The following MECOM variants were observed in gnomAD, a reference collection of about 807,000 sequenced individuals.
MECOM encodes histone-lysine N-methyltransferase MECOM.
MECOM carries 13 observed loss-of-function variants against 116.3 expected under a neutral mutation model. That is an observed-to-expected ratio of 0.11 (90% confidence interval 0.07 to 0.18). MECOM has a LOEUF of 0.18. Ranked by LOEUF, MECOM falls within the 10% of genes least tolerant of loss-of-function variation. The pLI is 1.00. For synonymous variants in MECOM, 528 were observed against 535.2 expected (o/e 0.99, Z 0.19); for missense variants, 1,299 against 1,509.0 (o/e 0.86, Z 2.31).
chr3:169,309,842 C>T (rs1718411598), intron 2 of MECOM, among the ~76,000 whole-genome samples: 1 of 152,194 alleles, frequency 6.6e-6, no homozygotes, highest in Non-Finnish European at 1.5e-5. Context: ...AGTTTCCTCA[C>T]CTGTAAAGCG....
chr3:169,535,052 G>A (rs973177234), intron 1 of MECOM, among the ~76,000 whole-genome samples: 3 of 152,194 alleles, frequency 2.0e-5, no homozygotes, highest in African/African-American at 7.2e-5. Context: ...CTCTCCAGGA[G>A]CTGGAGAAGC....
At chr3:169,163,476 A>T (rs1213499152) in intron 2 of MECOM, among the ~76,000 whole-genome samples, 1 of 152,188 alleles carries the variant, frequency 6.6e-6, no homozygotes, top group Non-Finnish European at 1.5e-5. Flanking sequence ...TAATTATAAT[A>T]CAATCTTTAT....
At chr3:169,321,882 T>G (rs1224863009) in intron 2 of MECOM, among the ~76,000 whole-genome samples, 1 of 152,162 alleles carries the variant, frequency 6.6e-6, no homozygotes, top group Admixed American at 6.5e-5. Flanking sequence ...CTGTCCTAAT[T>G]AAATATCAAA....
At chr3:169,567,634 A>T (rs1763388261) in intron 1 of MECOM, among the ~76,000 whole-genome samples, 1 of 152,216 alleles carries the variant, frequency 6.6e-6, no homozygotes, top group South Asian at 2.1e-4. Flanking sequence ...AAATCAAGCC[A>T]GATGATGATG....
chr3:169,659,440 A>ATTTTTTTTTTTTTTTTT lies in MECOM; in HGVS notation c.37+3879_37+3895dup, dbSNP rs56270349. 1.6e-4 allele frequency among the ~76,000 whole-genome samples: 10 copies of ATTTTTTTTTTTTTTTTT among 62,144 alleles called. 1 individual carries two copies. The South Asian group carries it at 2.0e-3, about 13-fold the overall frequency. 40.8% of individuals were successfully genotyped at this position (62,144 alleles called of 152,430 possible). A position where few individuals can be genotyped will look rare whatever the true frequency, so the allele number is the denominator to read the frequency against. On this transcript the variant is annotated intron_variant, in intron 1 of 16. Transcript: ENST00000651503. ...GTAATTAACCTTCCCCTAAACACAG[A>ATTTTTTTTTTTTTTTTT]TTTTTTTTTTTTTTTTTTTTTTTTT...
At chr3:169,393,948 T>C (rs752318906) in intron 1 of MECOM, among the ~76,000 whole-genome samples, 1 of 152,176 alleles carries the variant, frequency 6.6e-6, no homozygotes, top group Admixed American at 6.6e-5. Context: ...TGTAAATCTA[T>C]ACGAACCATG....
At chr3:169,543,134 G>A (rs1002179824) in intron 1 of MECOM, among the ~76,000 whole-genome samples, 1 of 152,216 alleles carries the variant, frequency 6.6e-6, no homozygotes, top group Non-Finnish European at 1.5e-5. Context: ...CAAGTAGAGA[G>A]AGGAAATATC....
intron 2 of MECOM, among the ~76,000 whole-genome samples, chr3:169,220,195 T>A (rs1244973256): frequency 6.6e-6 from 1 of 151,932 alleles, no homozygotes; most frequent in East Asian, 1.9e-4. Flanking sequence ...CCAGGCATGG[T>A]GGTGCACACT....
chr3:169,411,909 T>G (rs1737616519), intron 1 of MECOM, among the ~76,000 whole-genome samples: 1 of 152,130 alleles, frequency 6.6e-6, no homozygotes, highest in African/African-American at 2.4e-5. Flanking sequence ...GAGAATCGCT[T>G]GAACCCGGGA....
At chr3:169,477,135 A>ATATATG (rs1750600958) in intron 1 of MECOM, 1 of 92,110 alleles carries the variant, frequency 1.1e-5, no homozygotes, top group Non-Finnish European at 2.1e-5. Context: ...ATATATATAT[A>ATATATG]TATATATATA....
chr3:169,184,361 A>C (rs542271165), intron 2 of MECOM, among the ~76,000 whole-genome samples: 14 of 152,300 alleles, frequency 9.2e-5, no homozygotes, highest in South Asian at 6.2e-4. Flanking sequence ...GAAGGAGCAC[A>C]ATGCTTTCAG....
chr3:169,178,518 GGA>G (rs1745504113), intron 2 of MECOM, among the ~76,000 whole-genome samples: 1 of 152,170 alleles, frequency 6.6e-6, no homozygotes, highest in African/African-American at 2.4e-5. Context: ...AGCTTGGGGA[GGA>G]CAATGTATAG....
intron 1 of MECOM, among the ~76,000 whole-genome samples, chr3:169,584,687 G>T (rs184996769): frequency 2.0e-5 from 3 of 152,200 alleles, no homozygotes; most frequent in African/African-American, 7.2e-5. Context: ...GTATACTACT[G>T]GTAAACTACT....
chr3:169,378,543 AAAG>A (rs1731783400), intron 2 of MECOM, among the ~76,000 whole-genome samples: 1 of 124,222 alleles, frequency 8.1e-6, no homozygotes, highest in Non-Finnish European at 1.7e-5. Context: ...AGAAAGAAAG[AAAG>A]AAAGAAAGAA....
chr3:169,489,217 T>A (rs1475202958), intron 1 of MECOM, among the ~76,000 whole-genome samples: 2 of 152,174 alleles, frequency 1.3e-5, no homozygotes, highest in African/African-American at 4.8e-5. Context: ...ATTTAAAAAG[T>A]TGAATATGTA....
chr3:169,439,203 A>C (rs2108600659), intron 1 of MECOM, among the ~76,000 whole-genome samples: 1 of 147,300 alleles, frequency 6.8e-6, no homozygotes, highest in South Asian at 2.1e-4. Context: ...ATACTTCTAA[A>C]ATAAAACAGA....
intron 4 of MECOM, among the ~76,000 whole-genome samples, chr3:169,130,613 A>AT (rs1194124566): frequency 6.6e-6 from 1 of 152,064 alleles, no homozygotes; most frequent in East Asian, 1.9e-4. Context: ...AAAAGCTGAG[A>AT]TTTTCCCATC....
chr3:169,532,231 T>A (rs1758736672), intron 1 of MECOM, among the ~76,000 whole-genome samples: 1 of 152,214 alleles, frequency 6.6e-6, no homozygotes, highest in South Asian at 2.1e-4. Flanking sequence ...GGGTGGAACC[T>A]GAGAATCTGC....
intron 9 of MECOM, among the ~76,000 whole-genome samples, chr3:169,110,794 T>G (rs1727105405): frequency 6.6e-6 from 1 of 152,152 alleles, no homozygotes; most frequent in Non-Finnish European, 1.5e-5. Flanking sequence ...AATAGCAACA[T>G]GCAGCAATAG....
Sources: gnomAD v4.1 joint callset for allele counts (sites outside exome capture counted in the v4.1 genomes callset) on GRCh38, gnomAD v4.1.1 for gene constraint, MANE v1.5 for transcripts, NCBI Gene and HGNC (gene_info 2026-07-23, HGNC 2026-07-21) for gene names.